The following TMLHE variants were observed in gnomAD, a reference collection of about 807,000 sequenced individuals.
The protein encoded by TMLHE is trimethyllysine dioxygenase, mitochondrial.
Under a neutral mutation model 25.7 loss-of-function variants are expected in TMLHE, and 18 were observed. The observed-to-expected ratio is 0.70, with a 90% CI of 0.48 to 1.04. The LOEUF (loss-of-function observed/expected upper bound fraction) is 1.04, where lower values mean the gene tolerates loss of function less well. TMLHE is among the 50% of genes least tolerant of loss of function. The pLI, the probability that TMLHE is intolerant of heterozygous loss-of-function variation, is 0.00. For synonymous variants in TMLHE, 105 were observed against 97.0 expected (o/e 1.08, Z -0.49); for missense variants, 236 against 259.0 (o/e 0.91, Z 0.61).
chrX:155,510,457 T>A (rs2067101665), intron 5 of TMLHE, among the ~76,000 whole-genome samples: 1 of 91,746 alleles, frequency 1.1e-5, no homozygotes, highest in Non-Finnish European at 2.1e-5. Flanking sequence ...TGTCCATGTG[T>A]TCTCATTGTT....
intron 1 of TMLHE, among the ~76,000 whole-genome samples, chrX:155,547,362 T>C (rs1241298954): frequency 9.1e-6 from 1 of 109,687 alleles, no homozygotes; most frequent in Non-Finnish European, 1.9e-5. Flanking sequence ...GCCAGGATGG[T>C]CTCGATCTCC....
At chrX:155,581,476 C>A (rs962886499) in intron 1 of TMLHE, among the ~76,000 whole-genome samples, 13 of 111,944 alleles carry the variant, frequency 1.2e-4, no homozygotes, top group Non-Finnish European at 5.6e-5. Flanking sequence ...TCAGCAAAGT[C>A]TCAGGATACA....
rs782041662 is a variant in TMLHE at position 155,545,214 on chromosome X, G to C, written c.63C>G (p.Val21=). Residue 21 remains valine (V), a synonymous_variant, in exon 2 of 8, where the codon GTC becomes GTG. Transcript: ENST00000334398. ...TGGGCTGTGGAAGGGCCGGATATATGACTCCTCCCTTCAGCAAGTCCTGAA... is the reference window on the plus strand; with the variant it reads ...TGGGCTGTGGAAGGGCCGGATATATCACTCCTCCCTTCAGCAAGTCCTGAA... The part of the protein sequence containing the change: ...SRLQDLLKGG[V]IYPALPQPNF... 1 of 1,209,805 alleles carries C rather than the reference G, an allele frequency of 8.3e-7. No individual in the cohort carries two copies. The highest frequency in any genetic ancestry group is 1.1e-6 in the Non-Finnish European group (1 of 894,417).
At chrX:155,526,213 T>C (rs1283840436) in intron 2 of TMLHE, among the ~76,000 whole-genome samples, 1 of 113,044 alleles carries the variant, frequency 8.8e-6, no homozygotes, top group African/African-American at 3.2e-5. Context: ...CCCAGGGCCC[T>C]ACTGCTCTGT....
At chrX:155,534,416 T>C (rs781867911) in intron 2 of TMLHE, among the ~76,000 whole-genome samples, 1 of 111,465 alleles carries the variant, frequency 9.0e-6, no homozygotes, top group East Asian at 2.8e-4. Flanking sequence ...GTATTTTTAG[T>C]AGAAACAAGG....
intron 1 of TMLHE, among the ~76,000 whole-genome samples, chrX:155,585,413 ACAAACAC>A (rs2067657802): frequency 2.1e-5 from 1 of 47,646 alleles, no homozygotes; most frequent in Non-Finnish European, 4.6e-5. Context: ...ATACACACAC[ACAAACAC>A]ACACACACAC....
At chrX:155,548,587 TAGCC>T (rs2067382138) in intron 1 of TMLHE, among the ~76,000 whole-genome samples, 1 of 108,551 alleles carries the variant, frequency 9.2e-6, no homozygotes, top group African/African-American at 3.4e-5. Flanking sequence ...ATACAAAAAT[TAGCC>T]GGGTGTGGTG....
chrX:155,555,718 G>T (rs2067448374), intron 1 of TMLHE, among the ~76,000 whole-genome samples: 1 of 110,410 alleles, frequency 9.1e-6, no homozygotes, highest in Non-Finnish European at 1.9e-5. Flanking sequence ...TTTTGATGGG[G>T]TTGTTTTTTT....
chrX:155,518,416 G>T (rs1351400715), intron 3 of TMLHE, among the ~76,000 whole-genome samples: 4 of 93,296 alleles, frequency 4.3e-5, no homozygotes, highest in Non-Finnish European at 8.5e-5. Context: ...GCTGGATTCG[G>T]TTTGCCAGTA....
Position 155,511,785 on chromosome X carries a change from TG to T in TMLHE, c.645del (p.Ile216PhefsTer22). 1.7e-6 allele frequency: 2 copies of T among 1,166,532 alleles called. No individual in the cohort carries two copies. Among genetic ancestry groups the T allele is most frequent in the Non-Finnish European group, 2.3e-6 (2 of 866,270 alleles). On this transcript the variant is annotated frameshift_variant, in exon 5 of 8. Transcript: ENST00000334398. LOFTEE classifies it high-confidence loss of function. ...GTGAAATACCACATCCTCCCATAAA[TG>T]GTTTCTCTGTTAGTTGAAATAAAGA... ...LAERISLIRETIYGRMWYFTS... is the reference protein window; with the variant it reads ...LAERISLIREXIYGRMWYFTS...
At chrX:155,582,706 A>T (rs1239184108) in intron 1 of TMLHE, among the ~76,000 whole-genome samples, 2 of 112,095 alleles carry the variant, frequency 1.8e-5, no homozygotes, top group East Asian at 5.6e-4. Flanking sequence ...AAATAGGAAC[A>T]GTTTTACATT....
chrX:155,583,287 G>A (rs898741696), intron 1 of TMLHE, among the ~76,000 whole-genome samples: 5 of 111,083 alleles, frequency 4.5e-5, no homozygotes, highest in Middle Eastern at 4.6e-3. Flanking sequence ...AAACATGCAC[G>A]TTGTGCACAT....
At chrX:155,531,218 G>A (rs1273407763) in intron 2 of TMLHE, among the ~76,000 whole-genome samples, 1 of 111,969 alleles carries the variant, frequency 8.9e-6, no homozygotes, top group Non-Finnish European at 1.9e-5. Context: ...AACTTCTATG[G>A]TTAGTCTGTT....
chrX:155,549,428 A>C (rs2067396320), intron 1 of TMLHE, among the ~76,000 whole-genome samples: 1 of 110,138 alleles, frequency 9.1e-6, no homozygotes, highest in Admixed American at 9.6e-5. Context: ...TTCTGAGAGT[A>C]TTTATCAGGA....
chrX:155,540,078 G>A (rs781834308), intron 2 of TMLHE, among the ~76,000 whole-genome samples: 7 of 109,215 alleles, frequency 6.4e-5, no homozygotes, highest in South Asian at 4.0e-4. Context: ...AACAACATAC[G>A]CATGATGCAA....
At chrX:155,537,542 C>T (rs1376146855) in intron 2 of TMLHE, among the ~76,000 whole-genome samples, 3 of 110,941 alleles carry the variant, frequency 2.7e-5, no homozygotes, top group African/African-American at 6.6e-5. Flanking sequence ...CTCCTCACCC[C>T]GATAATCCTT....
intron 4 of TMLHE, 26 bp downstream of exon 4, chrX:155,513,959 GT>G (rs1232671144): frequency 8.4e-7 from 1 of 1,184,555 alleles, no homozygotes; most frequent in African/African-American, 1.8e-5. Flanking sequence ...TTATAATACT[GT>G]GGATTTTAGG....
intron 1 of TMLHE, among the ~76,000 whole-genome samples, chrX:155,569,601 C>T (rs1232286813): frequency 1.8e-5 from 1 of 56,004 alleles, no homozygotes; most frequent in African/African-American, 4.3e-5. Flanking sequence ...TTGGGTTACC[C>T]GCAAAGGGAA....
At position 155,572,684 on chromosome X, in the gene TMLHE, T is replaced by C. The variant is rs181304373; in HGVS notation, c.-1-27407A>G. Among the ~76,000 whole-genome samples, 11 of 56,402 alleles carry C rather than the reference T, an allele frequency of 2.0e-4. 3 individuals carry two copies. The East Asian group carries it at 8.2e-3, about 42-fold the overall frequency. The allele number at this position is 56,402 out of a possible 115,157, so 49.0% of individuals were successfully genotyped here. A position where few individuals can be genotyped will look rare whatever the true frequency, so the allele number is the denominator to read the frequency against. On this transcript the variant is annotated intron_variant, in intron 1 of 7. Transcript: ENST00000334398. ...CACAGCCCTCAGAAATAACGCCGCATATCTATAACTATCTGATCTTTGACA... is the reference window on the plus strand; with the variant it reads ...CACAGCCCTCAGAAATAACGCCGCACATCTATAACTATCTGATCTTTGACA...
Sources: allele counts gnomAD v4.1 joint callset (sites outside exome capture counted in the v4.1 genomes callset), GRCh38; gene constraint gnomAD v4.1.1; transcripts MANE v1.5; gene names NCBI Gene and HGNC (gene_info 2026-07-23, HGNC 2026-07-21).